The following ADAMTS19 variants were observed in gnomAD, a reference collection of about 807,000 sequenced individuals.
ADAMTS19 encodes the protein ADAM metallopeptidase with thrombospondin type 1 motif 19, also known as A disintegrin and metalloproteinase with thrombospondin motifs 19.
Under a neutral mutation model 153.3 loss-of-function variants are expected in ADAMTS19, and 93 were observed. That is an observed-to-expected ratio of 0.61 (90% CI 0.51 to 0.72). The LOEUF is 0.72. ADAMTS19 is among the 30% of genes least tolerant of loss of function. ADAMTS19 has a pLI of 0.00. For missense variants in ADAMTS19, 1,482 were observed against 1,552.1 expected (o/e 0.95, Z 0.76); for synonymous variants, 600 against 556.6 (o/e 1.08, Z -1.10).
At chr5:129,655,322 A>T (rs1233707355) in intron 14 of ADAMTS19, among the ~76,000 whole-genome samples, 1 of 152,176 alleles carries the variant, frequency 6.6e-6, no homozygotes, top group Non-Finnish European at 1.5e-5. Flanking sequence ...GTTTGGATAC[A>T]AGCTGCCCCA....
At chr5:129,496,073 G>C (rs917426798) in intron 2 of ADAMTS19, among the ~76,000 whole-genome samples, 1 of 152,108 alleles carries the variant, frequency 6.6e-6, no homozygotes, top group Non-Finnish European at 1.5e-5. Flanking sequence ...GGCCATGAAA[G>C]AAAGAATTTT....
At position 129,684,147 on chromosome 5, in the gene ADAMTS19, G is replaced by A. The variant is rs1210768546; in HGVS notation, c.2692G>A (p.Gly898Ser). 5.6e-6 allele frequency: 9 copies of A among 1,613,730 alleles called. No individual in the cohort carries two copies. In the East Asian group the frequency reaches 1.8e-4, roughly 32 times the overall value. ...GCTCCTGTTTCAGGATCAGAATTAT[G>A]GTCTTCACTATGAATACACTATCCC... Reference protein sequence around the residue: ...LVLLFQDQNYGLHYEYTIPSD... With the variant: ...LVLLFQDQNYSLHYEYTIPSD... The change falls in exon 18 of 23, where the codon GGT becomes AGT. Residue 898 changes from glycine to serine, a missense_variant. This residue lies in a region of ADAMTS19 where 616 missense variants were observed against 724.4 expected (regional missense o/e 0.85). Coordinates refer to ENST00000274487, the MANE Select transcript of ADAMTS19 (RefSeq NM_133638.6).
At chr5:129,639,893 T>C (rs30687) in intron 10 of ADAMTS19, among the ~76,000 whole-genome samples, 72,493 of 152,018 alleles carry the variant, frequency 0.48, 19,930 homozygotes, top group African/African-American at 0.76. Flanking sequence ...TAGACATCTG[T>C]TAATTGAAAT....
intron 10 of ADAMTS19, among the ~76,000 whole-genome samples, chr5:129,623,444 C>T (rs1268165622): frequency 3.9e-5 from 6 of 152,090 alleles, no homozygotes; most frequent in African/African-American, 7.2e-5. Context: ...GGTTAAGTAT[C>T]GCTGAAACAT....
In ADAMTS19 at chr5:129,648,607, G is replaced by C. The variant is rs1753171945; in HGVS notation, c.2004-191G>C. ...ATATTTTGGAAGGTATATTGATCAAGGATTAGAAAATATATATAGTTAAAG... is the reference window on the plus strand; with the variant it reads ...ATATTTTGGAAGGTATATTGATCAACGATTAGAAAATATATATAGTTAAAG... On this transcript the variant is annotated intron_variant, in intron 12 of 22. Coordinates refer to ENST00000274487, the MANE Select transcript of ADAMTS19 (RefSeq NM_133638.6). Among the ~76,000 whole-genome samples the C allele has an allele frequency of 2.6e-5, 4 of 151,838 alleles. No individual in the cohort carries two copies. The South Asian group carries it at 8.3e-4, about 31-fold the overall frequency.
At chr5:129,614,053 C>T (rs540432798) in intron 8 of ADAMTS19, among the ~76,000 whole-genome samples, 2 of 152,114 alleles carry the variant, frequency 1.3e-5, no homozygotes, top group South Asian at 4.1e-4. Context: ...AATAGCCTAC[C>T]AACCAAAAAA....
chr5:129,502,960 T>C (rs762501559), intron 2 of ADAMTS19, among the ~76,000 whole-genome samples: 2 of 152,042 alleles, frequency 1.3e-5, no homozygotes, highest in African/African-American at 2.4e-5. Context: ...AGTGGTTACT[T>C]TGGAGAAAGG....
intron 16 of ADAMTS19, among the ~76,000 whole-genome samples, chr5:129,676,927 A>C (rs1457517159): frequency 6.6e-6 from 1 of 152,168 alleles, no homozygotes; most frequent in Admixed American, 6.5e-5. Context: ...AGGCATTTTA[A>C]TTAGAGATTT....
Position 129,714,440 on chromosome 5 carries a change from A to AG in ADAMTS19, c.3312+10049_3312+10050insG, listed in dbSNP as rs1378457907. On this transcript the variant is annotated intron_variant, in intron 21 of 22. Transcript: ENST00000274487. ...GACTCCGTCTCAAAAAAAAAAAAAA[A>AG]AAAGAAAAATATATATCTATAGGTC... Among the ~76,000 whole-genome samples, 509 of 149,212 alleles carry AG rather than the reference A, an allele frequency of 3.4e-3. 7 individuals carry two copies. Among genetic ancestry groups the AG allele is most frequent in the African/African-American group, 0.012 (488 of 40,722 alleles).
intron 21 of ADAMTS19, among the ~76,000 whole-genome samples, chr5:129,718,810 A>G (rs940003713): frequency 2.6e-5 from 4 of 152,202 alleles, no homozygotes; most frequent in Admixed American, 1.3e-4. Context: ...ATCAGGTTCT[A>G]TAAGATTGTC....
chr5:129,704,139 G>A (rs1401596083), intron 20 of ADAMTS19, 100 bp from the exon 21 acceptor site: 1 of 1,216,502 alleles, frequency 8.2e-7, no homozygotes, highest in Non-Finnish European at 1.1e-6. Flanking sequence ...TATGGGTGAT[G>A]GGCTCATAAC....
chr5:129,570,729 G>T (rs1006663012), intron 7 of ADAMTS19, among the ~76,000 whole-genome samples: 5 of 151,836 alleles, frequency 3.3e-5, no homozygotes, highest in African/African-American at 1.2e-4. Context: ...AGAGAATCAA[G>T]TGGGGCTTAT....
chr5:129,461,109 G>T lies in ADAMTS19; in HGVS notation c.99G>T (p.Gln33His). The stretch of plus-strand genomic sequence containing the variant: ...TGTCTGCCCCGCCCGCAGAGCTGCA[G>T]TTCGCCCCCGACCGCGAGGAGTGGG... ...FLSNGIVSEL[Q>H]FAPDREEWEV... The change falls in exon 2 of 23, where the codon CAG (glutamine) becomes CAT (histidine). Residue 33 changes from glutamine (Q) to histidine (H), a missense_variant. This residue lies in a region of ADAMTS19 where 866 missense variants were observed against 827.7 expected (regional missense o/e 1.05). Transcript: ENST00000274487. This position sits in a 1 kb window ranked among gnomAD's most constrained non-coding sequence, Gnocchi z 4.6. 1 of 1,415,622 alleles carries T rather than the reference G, an allele frequency of 7.1e-7. No homozygotes were observed. The highest frequency in any genetic ancestry group is 9.2e-7 in the Non-Finnish European group (1 of 1,084,072). 87.7% of individuals were successfully genotyped at this position (1,415,622 alleles called of 1,614,324 possible).
intron 6 of ADAMTS19, among the ~76,000 whole-genome samples, chr5:129,539,496 A>T (rs1166960145): frequency 1.3e-5 from 2 of 152,080 alleles, no homozygotes; most frequent in African/African-American, 4.8e-5. Flanking sequence ...TTCTGACAAG[A>T]TAACAAATTT....
chr5:129,720,325 C>T (rs1756943672), intron 21 of ADAMTS19, among the ~76,000 whole-genome samples: 1 of 151,740 alleles, frequency 6.6e-6, no homozygotes, highest in Non-Finnish European at 1.5e-5. Flanking sequence ...GTGTCCGCCA[C>T]CACGCCCGGC....
chr5:129,590,263 AT>A (rs2126905503), intron 7 of ADAMTS19, among the ~76,000 whole-genome samples: 1 of 152,234 alleles, frequency 6.6e-6, no homozygotes, highest in East Asian at 1.9e-4. Context: ...CCAGATTTGA[AT>A]TTTTTTAAAC....
intron 6 of ADAMTS19, among the ~76,000 whole-genome samples, chr5:129,534,201 A>T (rs1354162378): frequency 2.6e-5 from 4 of 152,082 alleles, no homozygotes; most frequent in African/African-American, 9.7e-5. Context: ...GGGGTGTTAA[A>T]GTCTCCCATT....
rs1307448540 is a variant in ADAMTS19, at chr5:129,596,586, G to A, written c.1400G>A (p.Ser467Asn). 1.6e-5 allele frequency: 26 copies of A among 1,607,962 alleles called. No homozygotes were observed. Among genetic ancestry groups the A allele is most frequent in the Non-Finnish European group, 2.1e-5 (25 of 1,177,366 alleles). The stretch of plus-strand genomic sequence containing the variant: ...ATAGCTTACTTGAGTGGAATGTGTA[G>A]TGAAAAGAGAAAATGTATTATTGCT... Reference protein sequence around the residue: ...VGIAYLSGMCSEKRKCIIAED... With the variant: ...VGIAYLSGMCNEKRKCIIAED... The change falls in exon 8 of 23, where the codon AGT (serine) becomes AAT (asparagine). Residue 467 changes from serine (S) to asparagine (N), a missense_variant. Ser to Asn is a conservative substitution (Grantham distance 46). Transcript: ENST00000274487.
intron 7 of ADAMTS19, among the ~76,000 whole-genome samples, chr5:129,571,796 C>T (rs928388715): frequency 2.6e-5 from 4 of 151,580 alleles, no homozygotes; most frequent in African/African-American, 9.7e-5. Context: ...GTACTGTCAG[C>T]GAAAGAAAAC....
Sources: allele counts gnomAD v4.1 joint callset (sites outside exome capture counted in the v4.1 genomes callset), GRCh38; gene constraint gnomAD v4.1.1; regional missense constraint gnomAD v4.1.1; non-coding constraint Gnocchi (gnomAD v3.1); transcripts MANE v1.5; gene names NCBI Gene and HGNC (gene_info 2026-07-23, HGNC 2026-07-21).